Variants in CC2D2A observed in about 807,000 individuals in gnomAD.
The protein encoded by CC2D2A is coiled-coil and C2 domain-containing protein 2A.
CC2D2A carries 155 observed loss-of-function variants against 212.9 expected under a neutral mutation model. That is an observed-to-expected ratio of 0.73 (90% CI 0.64 to 0.83). The LOEUF is 0.83. CC2D2A is among the 40% of genes least tolerant of loss of function. The pLI is 0.00. For missense variants in CC2D2A, 1,856 were observed against 1,956.2 expected, an observed-to-expected ratio of 0.95 and a Z score of 0.97; for synonymous variants, 667 against 686.5, an observed-to-expected ratio of 0.97 and a Z score of 0.44.
At chr4:15,579,590 C>A (rs533624780) in intron 29 of CC2D2A, among the ~76,000 whole-genome samples, 1 of 152,084 alleles carries the variant, frequency 6.6e-6, no homozygotes, top group Non-Finnish European at 1.5e-5. Context: ...CTGGGGCCGC[C>A]CCCCAGCCTG....
Position 15,589,798 on chromosome 4 carries a change from TAC to T in CC2D2A, c.4314+125_4314+126del, listed in dbSNP as rs1553844298. ...TTATATAAATGAATATATATATATA[TAC>T]ACACATATATATATACCAGTTAAAA... On this transcript the variant is annotated intron_variant, in intron 33 of 36. Coordinates refer to ENST00000424120, the MANE Select transcript of CC2D2A (RefSeq NM_001378615.1). 9.0e-3 allele frequency: 2,308 copies of T among 255,694 alleles called. 2 individuals carry two copies. The highest frequency in any genetic ancestry group is 0.02 in the East Asian group (204 of 10,210). The allele number at this position is 255,694 out of a possible 1,614,324, so 15.8% of individuals were successfully genotyped here. A position where few individuals can be genotyped will look rare whatever the true frequency, so the allele number is the denominator to read the frequency against.
intron 22 of CC2D2A, 124 bp from the exon 23 acceptor site, chr4:15,560,407 G>A: frequency 1.8e-6 from 1 of 571,374 alleles, no homozygotes; most frequent in Non-Finnish European, 3.1e-6. Flanking sequence ...GCAGAGGAAA[G>A]TAACAGTTGG....
At chr4:15,493,010 C>T (rs1715396638) in intron 4 of CC2D2A, 2 of 408,434 alleles carry the variant, frequency 4.9e-6, no homozygotes, top group Non-Finnish European at 9.4e-6. Context: ...TATGTGGTTG[C>T]ATTTCCCCTT....
intron 26 of CC2D2A, among the ~76,000 whole-genome samples, chr4:15,569,058 C>T (rs1673460859): frequency 6.6e-6 from 1 of 152,178 alleles, no homozygotes; most frequent in African/African-American, 2.4e-5. Flanking sequence ...TGAGACTCAC[C>T]AGGACAAGCC....
intron 8 of CC2D2A, 63 bp downstream of exon 8, chr4:15,511,486 C>T (rs1165903236): frequency 1.4e-6 from 2 of 1,393,292 alleles, no homozygotes; most frequent in African/African-American, 3.0e-5. Flanking sequence ...AGCTGATGTC[C>T]CTGCAAGAAA....
At chr4:15,505,952 T>G (rs1716231928) in intron 6 of CC2D2A, among the ~76,000 whole-genome samples, 1 of 152,206 alleles carries the variant, frequency 6.6e-6, no homozygotes, top group South Asian at 2.1e-4. Flanking sequence ...GGGCTAGAGC[T>G]AATATATTTT....
At chr4:15,505,222 A>G (rs1716189447) in intron 6 of CC2D2A, among the ~76,000 whole-genome samples, 1 of 152,236 alleles carries the variant, frequency 6.6e-6, no homozygotes, top group Non-Finnish European at 1.5e-5. Context: ...AAATTTACCA[A>G]CGCAAACCAC....
intron 35 of CC2D2A, among the ~76,000 whole-genome samples, chr4:15,598,457 C>A (rs894930438): frequency 6.6e-6 from 1 of 152,142 alleles, no homozygotes; most frequent in Non-Finnish European, 1.5e-5. Context: ...TCAAACTGTC[C>A]CCTCATCTGT....
intron 26 of CC2D2A, among the ~76,000 whole-genome samples, chr4:15,568,567 G>A (rs1003995875): frequency 1.9e-4 from 29 of 152,230 alleles, no homozygotes; most frequent in African/African-American, 6.8e-4. Context: ...CAACCTTAGC[G>A]AGAGAGCGAG....
rs757520349 is a variant in CC2D2A at position 15,533,255 on chromosome 4, TA to T, written c.1533del (p.Val512PhefsTer5). On this transcript the variant is annotated frameshift_variant, in exon 14 of 37. Transcript: ENST00000424120. LOFTEE classifies it high-confidence loss of function. The stretch of plus-strand genomic sequence containing the variant: ...GATAGAACATTGCTTAAGACTATCA[TA>T]AAAGTTTGGAAAGAGATGAAATCCC... ...EKDRTLLKTI[I>X]KVWKEMKSLR... 1.2e-6 allele frequency: 2 copies of T among 1,603,014 alleles called. No homozygotes were observed. The highest frequency in any genetic ancestry group is 1.7e-6 in the Non-Finnish European group (2 of 1,176,516).
chr4:15,592,231 C>T (rs924841821), intron 33 of CC2D2A, among the ~76,000 whole-genome samples: 3 of 152,168 alleles, frequency 2.0e-5, no homozygotes, highest in Admixed American at 6.5e-5. Flanking sequence ...TCTATTGATA[C>T]GCTCAGGGGT....
At chr4:15,539,493 C>CATT (rs1337065438) in intron 16 of CC2D2A, among the ~76,000 whole-genome samples, 3 of 152,174 alleles carry the variant, frequency 2.0e-5, no homozygotes, top group Non-Finnish European at 4.4e-5. Context: ...ATTAGGATGT[C>CATT]ATTATAAGAC....
intron 6 of CC2D2A, 119 bp from the exon 7 acceptor site, chr4:15,510,020 T>C (rs1716475575): frequency 2.7e-6 from 2 of 738,770 alleles, no homozygotes; most frequent in East Asian, 5.4e-5. Context: ...TTAGGAATGA[T>C]AAGATGCAGC....
chr4:15,490,779 T>C (rs111682050), intron 4 of CC2D2A, among the ~76,000 whole-genome samples: 21,618 of 152,024 alleles, frequency 0.14, 1,920 homozygotes, highest in African/African-American at 0.26. Context: ...GCAGACAGCC[T>C]GGCGCCACAC....
intron 2 of CC2D2A, among the ~76,000 whole-genome samples, chr4:15,476,933 T>C (rs1010795973): frequency 1.3e-5 from 2 of 152,112 alleles, no homozygotes; most frequent in Non-Finnish European, 2.9e-5. Flanking sequence ...AAGACAGAAA[T>C]GGAGATGATA....
At chr4:15,569,204 T>G in intron 26 of CC2D2A, 89 bp from the exon 27 acceptor site, 1 of 703,018 alleles carries the variant, frequency 1.4e-6, no homozygotes, top group Non-Finnish European at 2.5e-6. Context: ...TATGCTCATA[T>G]TTGGGTATTT....
At chr4:15,600,932 A>T (rs933565477) in intron 36 of CC2D2A, among the ~76,000 whole-genome samples, 6 of 151,832 alleles carry the variant, frequency 4.0e-5, no homozygotes, top group Admixed American at 2.6e-4. Context: ...GAAAAAAGAA[A>T]TGTATTTGTT....
At chr4:15,550,384 G>A (rs1009586010) in intron 17 of CC2D2A, among the ~76,000 whole-genome samples, 1 of 152,192 alleles carries the variant, frequency 6.6e-6, no homozygotes, top group Non-Finnish European at 1.5e-5. Flanking sequence ...TCTGCATATG[G>A]AGCTTCTCCG....
At position 15,557,393 on chromosome 4, in the gene CC2D2A, A is replaced by C. The variant is rs1394929452; in HGVS notation, c.2715A>C (p.Leu905Phe). The change falls in exon 21 of 37, where the codon TTA becomes TTC. Residue 905 changes from leucine to phenylalanine, a missense_variant. Physicochemically the swap from Leu to Phe is conservative, Grantham distance 22. Transcript: ENST00000424120. Reference protein sequence around the residue: ...QEFNFVSDQELNRSKRFRLLH... With the variant: ...QEFNFVSDQEFNRSKRFRLLH... The stretch of plus-strand genomic sequence containing the variant: ...TTAACTTTGTTTCAGATCAAGAATT[A>C]AATAGATCCAAACGATTTAGGCTTC... The C allele has an allele frequency of 1.2e-6, 2 of 1,613,546 alleles. No individual in the cohort carries two copies. Among genetic ancestry groups the C allele is most frequent in the Non-Finnish European group, 1.7e-6 (2 of 1,179,680 alleles).
Sources: allele counts gnomAD v4.1 joint callset (sites outside exome capture counted in the v4.1 genomes callset), GRCh38; gene constraint gnomAD v4.1.1; transcripts MANE v1.5; gene names NCBI Gene and HGNC (gene_info 2026-07-23, HGNC 2026-07-21).